SYNE2: variants seen among roughly 807,000 people sequenced by gnomAD.
SYNE2 encodes nesprin-2.
SYNE2 carries 431 observed loss-of-function variants against 856.3 expected under a neutral mutation model. That is an observed-to-expected ratio of 0.50 (90% CI 0.47 to 0.55). The LOEUF is 0.55. Ranked by LOEUF, SYNE2 falls within the 20% of genes least tolerant of loss-of-function variation. The probability of loss-of-function intolerance (pLI) is 0.00; values close to 1 mark genes in which losing one functional copy is unlikely to be tolerated. For missense variants in SYNE2, 8,129 were observed against 8,023.2 expected (o/e 1.01, Z -0.50); for synonymous variants, 2,923 against 2,872.3 (o/e 1.02, Z -0.56).
intron 106 of SYNE2, 88 bp from the exon 107 acceptor site, chr14:64,215,198 C>A: frequency 1.6e-6 from 2 of 1,217,602 alleles, no homozygotes; most frequent in Non-Finnish European, 2.4e-6. Context: ...TTTCTCCTTC[C>A]AGCTGACAAT....
intron 2 of SYNE2, among the ~76,000 whole-genome samples, chr14:63,924,718 C>G (rs973819979): frequency 1.3e-5 from 2 of 151,582 alleles, no homozygotes; most frequent in African/African-American, 4.9e-5. Flanking sequence ...TATCTTGCAG[C>G]CTTGCTAAAC....
chr14:64,099,110 T>C (rs2097700648), intron 63 of SYNE2: 1 of 406,926 alleles, frequency 2.5e-6, no homozygotes, highest in South Asian at 2.3e-5. Context: ...CTCTGAAGTT[T>C]TGAGAGCATG....
At position 64,055,931 on chromosome 14, in the gene SYNE2, TCCTA is replaced by T; in HGVS notation, c.9745-12_9745-9del. On this transcript the variant is annotated splice_polypyrimidine_tract_variant and intron_variant, in intron 48 of 115. Transcript: ENST00000555002. ...GACAATTTTGTCACAGCATTTAATC[TCCTA>T]TTCACTAGAATGTCTTGAATGATGC... The T allele has an allele frequency of 6.2e-7, 1 of 1,608,822 alleles. No individual in the cohort carries two copies. The highest frequency in any genetic ancestry group is 8.5e-7 in the Non-Finnish European group (1 of 1,175,728).
At chr14:63,917,471 A>T (rs1036838362) in intron 2 of SYNE2, among the ~76,000 whole-genome samples, 2 of 151,980 alleles carry the variant, frequency 1.3e-5, no homozygotes, top group Admixed American at 1.3e-4. Context: ...TAATCTTTTT[A>T]TTTATTTATT....
At chr14:63,887,337 G>A (rs2095016686) in intron 1 of SYNE2, among the ~76,000 whole-genome samples, 1 of 152,152 alleles carries the variant, frequency 6.6e-6, no homozygotes, top group Non-Finnish European at 1.5e-5. Flanking sequence ...ATAATCATTT[G>A]GAGAAAGAAA....
intron 27 of SYNE2, among the ~76,000 whole-genome samples, chr14:63,999,669 T>C (rs1017943219): frequency 2.0e-5 from 3 of 152,206 alleles, no homozygotes; most frequent in Non-Finnish European, 4.4e-5. Context: ...AAATAATATC[T>C]TTCCTATTAA....
chr14:64,081,072 G>A (rs1410204383), intron 56 of SYNE2, among the ~76,000 whole-genome samples: 1 of 152,216 alleles, frequency 6.6e-6, no homozygotes, highest in Admixed American at 6.5e-5. Context: ...TTTAGCAAGA[G>A]TGAGGCAGCA....
chr14:63,883,621 G>T (rs1019621836), intron 1 of SYNE2, among the ~76,000 whole-genome samples: 1 of 152,218 alleles, frequency 6.6e-6, no homozygotes, highest in Non-Finnish European at 1.5e-5. Context: ...CTCCCAAAGT[G>T]CTGAGATTAC....
intron 19 of SYNE2, among the ~76,000 whole-genome samples, chr14:63,989,177 T>C (rs1474950811): frequency 1.3e-5 from 2 of 152,192 alleles, no homozygotes; most frequent in Non-Finnish European, 2.9e-5. Context: ...CTCTTTGAAT[T>C]GTGATCCATT....
intron 97 of SYNE2, 94 bp downstream of exon 97, chr14:64,186,673 A>T (rs2098492788): frequency 5.8e-6 from 9 of 1,562,640 alleles, no homozygotes; most frequent in Non-Finnish European, 7.9e-6. Context: ...ATTTCATTGA[A>T]CCGGAGGCCC....
chr14:64,010,201 T>C, intron 32 of SYNE2, 85 bp downstream of exon 32: 1 of 1,431,026 alleles, frequency 7.0e-7, no homozygotes, highest in Non-Finnish European at 9.6e-7. Context: ...ATTAAGTCTT[T>C]TTTGAAACTT....
In SYNE2 at chr14:64,039,828, G is replaced by A. The variant is rs1180408630; in HGVS notation, c.7222-8172G>A. Among the ~76,000 whole-genome samples, 5 of 152,104 alleles carry A rather than the reference G, an allele frequency of 3.3e-5. No individual in the cohort carries two copies. In the East Asian group the frequency reaches 9.6e-4, roughly 29 times the overall value. On this transcript the variant is annotated intron_variant, in intron 45 of 115. Coordinates refer to ENST00000555002, the MANE Select transcript of SYNE2 (RefSeq NM_182914.3). ...ATCCAGGGGCTTAGAATTTATAAGG[G>A]CTCAAAGAGAGGCTGTTCATTGATA... is the stretch of plus-strand genomic sequence containing the variant.
At chr14:63,945,977 C>G (rs1486210237) in intron 6 of SYNE2, among the ~76,000 whole-genome samples, 1 of 152,134 alleles carries the variant, frequency 6.6e-6, no homozygotes, top group Non-Finnish European at 1.5e-5. Context: ...TGATCTTTAG[C>G]TTTAGTATAT....
At chr14:63,771,746 C>T (rs1886919992) in intron 1 of SYNE2, among the ~76,000 whole-genome samples, 1 of 151,730 alleles carries the variant, frequency 6.6e-6, no homozygotes, top group Admixed American at 6.6e-5. Context: ...AAAAAAATAA[C>T]GAAAATTAGC....
chr14:64,036,998 G>T (rs917788902), intron 45 of SYNE2, among the ~76,000 whole-genome samples: 3 of 152,054 alleles, frequency 2.0e-5, no homozygotes, highest in Non-Finnish European at 4.4e-5. Flanking sequence ...TTTAACCAAG[G>T]AATCTGACCT....
At chr14:63,923,634 G>T (rs1354851206) in intron 2 of SYNE2, among the ~76,000 whole-genome samples, 2 of 152,180 alleles carry the variant, frequency 1.3e-5, no homozygotes, top group Non-Finnish European at 2.9e-5. Flanking sequence ...TGAGGAGGCA[G>T]AAGTTGATCA....
At chr14:63,840,788 G>A (rs951569324) in intron 1 of SYNE2, among the ~76,000 whole-genome samples, 7 of 152,124 alleles carry the variant, frequency 4.6e-5, no homozygotes, top group Non-Finnish European at 5.9e-5. Context: ...CGAGGCAGGC[G>A]GATCCCCTGA....
intron 1 of SYNE2, among the ~76,000 whole-genome samples, chr14:63,867,759 AAGCC>A (rs201110012): frequency 4.9e-4 from 75 of 151,790 alleles, no homozygotes; most frequent in South Asian, 2.5e-3. Context: ...GAAAGAAAGC[AAGCC>A]AGCCAGCCAG....
At chr14:64,158,214 A>G (rs541957752) in intron 85 of SYNE2, among the ~76,000 whole-genome samples, 2 of 152,326 alleles carry the variant, frequency 1.3e-5, no homozygotes, top group South Asian at 4.1e-4. Context: ...TTTCACAGAC[A>G]CTATTTTATT....
Sources: allele counts gnomAD v4.1 joint callset (sites outside exome capture counted in the v4.1 genomes callset), GRCh38; gene constraint gnomAD v4.1.1; transcripts MANE v1.5; gene names NCBI Gene and HGNC (gene_info 2026-07-23, HGNC 2026-07-21).